The following DGKB variants were observed in gnomAD, a reference collection of about 807,000 sequenced individuals.
DGKB encodes the protein diacylglycerol kinase beta.
A neutral mutation model predicts 114.3 loss-of-function variants in DGKB; 67 were observed. The observed-to-expected ratio is 0.59, with a 90% CI of 0.48 to 0.72. The LOEUF is 0.72. DGKB is among the 30% of genes least tolerant of loss of function. The probability of loss-of-function intolerance (pLI) is 0.00; values close to 1 mark genes in which losing one functional copy is unlikely to be tolerated. For missense variants in DGKB, 907 were observed against 975.2 expected (o/e 0.93, Z 0.93); for synonymous variants, 398 against 323.1 (o/e 1.23, Z -2.49).
chr7:14,604,699 A>G (rs1804160566), intron 17 of DGKB, among the ~76,000 whole-genome samples: 2 of 152,162 alleles, frequency 1.3e-5, no homozygotes, highest in South Asian at 4.1e-4. Flanking sequence ...GCAATAGGAC[A>G]CTCTTAGCAT....
chr7:14,742,625 T>C (rs2128415040), intron 4 of DGKB, among the ~76,000 whole-genome samples: 1 of 152,324 alleles, frequency 6.6e-6, no homozygotes, highest in African/African-American at 2.4e-5. Context: ...TGGTAAGGCC[T>C]GAGGACATAC....
intron 20 of DGKB, among the ~76,000 whole-genome samples, chr7:14,563,238 C>A (rs531010407): frequency 2.0e-5 from 3 of 152,136 alleles, no homozygotes; most frequent in African/African-American, 7.2e-5. Flanking sequence ...TTATAAATTA[C>A]GTAGTCTTGG....
At chr7:14,846,093 G>A (rs1379194049) in intron 1 of DGKB, among the ~76,000 whole-genome samples, 1 of 152,096 alleles carries the variant, frequency 6.6e-6, no homozygotes, top group Admixed American at 6.5e-5. Context: ...GTCAACTTAG[G>A]TCTTCACTTT....
chr7:14,585,172 T>C (rs945121629), intron 17 of DGKB, among the ~76,000 whole-genome samples: 7 of 152,182 alleles, frequency 4.6e-5, no homozygotes, highest in African/African-American at 1.7e-4. Context: ...ATTTATTATA[T>C]TGTGGATATT....
rs1207731308 is a variant in DGKB, at chr7:14,149,229, T to C, written c.2314A>G (p.Thr772Ala). 1 of 1,611,894 alleles carries C rather than the reference T, an allele frequency of 6.2e-7. No individual in the cohort carries two copies. The highest frequency in any genetic ancestry group is 2.2e-5 in the East Asian group (1 of 44,846). The change falls in exon 26 of 26, where the codon ACA becomes GCA. Residue 772 changes from threonine to alanine, a missense_variant. Thr to Ala is a moderately conservative substitution (Grantham distance 58, BLOSUM62 0). Transcript: ENST00000402815. The part of the protein sequence containing the change: ...WMQTPCTIKI[T>A]HKNQAPMLMG... ...AGCATTGGGGCTTGGTTCTTGTGTG[T>C]AATTTTTATCTAGAAAAAAAGAGAG... is the stretch of plus-strand genomic sequence containing the variant.
intron 23 of DGKB, among the ~76,000 whole-genome samples, chr7:14,325,777 G>T (rs1049009948): frequency 1.3e-5 from 2 of 152,100 alleles, no homozygotes; most frequent in Non-Finnish European, 2.9e-5. Context: ...TGTGGGGCCA[G>T]GACTCATTTC....
At chr7:14,773,539 A>C (rs1473983588) in intron 2 of DGKB, among the ~76,000 whole-genome samples, 1 of 152,154 alleles carries the variant, frequency 6.6e-6, no homozygotes, top group African/African-American at 2.4e-5. Flanking sequence ...AAAAGCAAAA[A>C]ATAGCATTGT....
chr7:14,508,743 G>A (rs1787506010), intron 20 of DGKB, among the ~76,000 whole-genome samples: 1 of 152,106 alleles, frequency 6.6e-6, no homozygotes, highest in Non-Finnish European at 1.5e-5. Context: ...AAATTAATTT[G>A]TGGTATAGAT....
At chr7:14,900,896 T>A (rs1414454192) in intron 1 of DGKB, among the ~76,000 whole-genome samples, 1 of 152,194 alleles carries the variant, frequency 6.6e-6, no homozygotes, top group Non-Finnish European at 1.5e-5. Flanking sequence ...TAATAATAGT[T>A]GACTCTAGAG....
chr7:14,960,292 A>T (rs1364050995), intron 1 of DGKB, among the ~76,000 whole-genome samples: 1 of 152,076 alleles, frequency 6.6e-6, no homozygotes, highest in Non-Finnish European at 1.5e-5. Context: ...AGCTTGGAAA[A>T]TTGTGATCTA....
chr7:14,905,668 T>A (rs1783669065), upstream of DGKB, among the ~76,000 whole-genome samples: 2 of 152,198 alleles, frequency 1.3e-5, no homozygotes. Flanking sequence ...CCAAACTAAA[T>A]TTTGTAATTT....
At chr7:14,742,175 GT>G (rs1379104542) in intron 4 of DGKB, among the ~76,000 whole-genome samples, 3 of 152,122 alleles carry the variant, frequency 2.0e-5, no homozygotes, top group African/African-American at 7.2e-5. Context: ...TTCAAAATCT[GT>G]TTTTGTCTTC....
chr7:14,780,524 G>A (rs1485029071), intron 2 of DGKB, among the ~76,000 whole-genome samples: 1 of 152,176 alleles, frequency 6.6e-6, no homozygotes, highest in Non-Finnish European at 1.5e-5. Flanking sequence ...CTTGGAGAAT[G>A]TTCCAAGCAT....
chr7:14,790,142 G>C (rs1327153447), intron 2 of DGKB, among the ~76,000 whole-genome samples: 2 of 152,042 alleles, frequency 1.3e-5, no homozygotes, highest in Non-Finnish European at 2.9e-5. Flanking sequence ...TAGATTGTTT[G>C]TTTTGTTTTT....
At chr7:14,152,580 C>T (rs116723088) in intron 25 of DGKB, among the ~76,000 whole-genome samples, 198 of 152,188 alleles carry the variant, frequency 1.3e-3, no homozygotes, top group African/African-American at 4.7e-3. Flanking sequence ...GGTTCTTCCA[C>T]TGCCCATGAC....
chr7:14,699,360 T>A (rs1215374621), intron 7 of DGKB, among the ~76,000 whole-genome samples: 1 of 152,126 alleles, frequency 6.6e-6, no homozygotes, highest in Non-Finnish European at 1.5e-5. Context: ...TTCCCGGATA[T>A]CTTTTAAGAA....
chr7:14,876,379 C>T (rs1853288109), intron 1 of DGKB, among the ~76,000 whole-genome samples: 1 of 152,228 alleles, frequency 6.6e-6, no homozygotes, highest in Non-Finnish European at 1.5e-5. Context: ...AGAGCCGTAA[C>T]AAGGCCACAA....
rs1823402479 is a variant in DGKB, at chr7:14,694,131, A to T, written c.655T>A (p.Trp219Arg). The change falls in exon 9 of 26, where the codon TGG becomes AGG. Residue 219 changes from tryptophan (W) to arginine (R), a missense_variant. Physicochemically the swap from Trp to Arg is moderately radical, Grantham distance 101 (BLOSUM62 -3). Transcript: ENST00000402815. ...ATCGTTGTCATTCCTCCTTGAATCC[A>T]TTCCTCCAGAGACACGGTTCCATCA... The part of the protein sequence containing the change: ...DHDGTVSLEE[W>R]IQGGMTTIPL... 2 of 1,592,458 alleles carry T rather than the reference A, an allele frequency of 1.3e-6. No homozygotes were observed. Among genetic ancestry groups the T allele is most frequent in the African/African-American group, 2.7e-5 (2 of 74,742 alleles).
At chr7:14,535,793 G>T (rs1476797822) in intron 20 of DGKB, among the ~76,000 whole-genome samples, 1 of 151,994 alleles carries the variant, frequency 6.6e-6, no homozygotes, top group Non-Finnish European at 1.5e-5. Flanking sequence ...TCACCATGTT[G>T]GCAGGATGGT....
Sources: allele counts gnomAD v4.1 joint callset (sites outside exome capture counted in the v4.1 genomes callset), GRCh38; gene constraint gnomAD v4.1.1; transcripts MANE v1.5; gene names NCBI Gene and HGNC (gene_info 2026-07-23, HGNC 2026-07-21).